The following DPF1 variants were observed in gnomAD, a reference collection of about 807,000 sequenced individuals.
The protein encoded by DPF1 is zinc finger protein neuro-d4.
A neutral mutation model predicts 58.7 loss-of-function variants in DPF1; 14 were observed. That is an observed-to-expected ratio of 0.24 (90% CI 0.16 to 0.37). The LOEUF is 0.37. DPF1 is among the 10% of genes least tolerant of loss of function. DPF1 has a pLI of 1.00. For synonymous variants in DPF1, 216 were observed against 216.0 expected, an observed-to-expected ratio of 1.00 and a Z score of 0.00; for missense variants, 345 against 529.9, an observed-to-expected ratio of 0.65 and a Z score of 3.43.
chr19:38,214,997 A>G (rs1600241725), intron 9 of DPF1, among the ~76,000 whole-genome samples: 2 of 145,570 alleles, frequency 1.4e-5, no homozygotes, highest in East Asian at 2.0e-4. Context: ...CACCACACCC[A>G]GCTAAATTTT....
intron 3 of DPF1, among the ~76,000 whole-genome samples, chr19:38,220,273 G>A (rs1967354920): frequency 6.8e-6 from 1 of 146,870 alleles, no homozygotes; most frequent in Non-Finnish European, 1.5e-5. Flanking sequence ...AGGAAGGAAG[G>A]AAAGAAAAGA....
chr19:38,213,887 C>T (rs564199284), intron 9 of DPF1, 131 bp from the exon 10 acceptor site: 82 of 712,106 alleles, frequency 1.2e-4, no homozygotes, highest in African/African-American at 1.1e-3. Context: ...GGATCCACAG[C>T]CTGACCCCAC....
intron 5 of DPF1, 39 bp downstream of exon 5, chr19:38,218,534 T>C (rs769938876): frequency 3.8e-6 from 6 of 1,596,260 alleles, no homozygotes; most frequent in South Asian, 1.1e-5. Context: ...AGACCTGTCA[T>C]TGAGGGGAGC....
Position 38,216,390 on chromosome 19 carries a change from T to A in DPF1, c.741A>T (p.Glu247Asp). The A allele has an allele frequency of 6.3e-7, 1 of 1,593,014 alleles. No individual in the cohort carries two copies. The highest frequency in any genetic ancestry group is 8.6e-7 in the Non-Finnish European group (1 of 1,168,990). ...TTTGTGCCTCAGGGACCCAGGCCAA[T>A]TCTTTGTAAAACTCTGGGGTAGGGG... ...RKNNHKQFYK[E>D]LAWVPEAQRK... The change falls in exon 8 of 12, where the codon GAA (glutamate) becomes GAT (aspartate). Residue 247 changes from glutamate to aspartate, a missense_variant. Coordinates refer to ENST00000355526, the MANE Select transcript of DPF1 (RefSeq NM_001135155.3).
chr19:38,213,705 G>T lies in DPF1; in HGVS notation c.950C>A (p.Thr317Asn), dbSNP rs200282023. The T allele has an allele frequency of 2.0e-5, 33 of 1,613,968 alleles. 1 individual carries two copies. In the Admixed American group the frequency reaches 3.7e-4, roughly 18 times the overall value. ...FTVNMTAAVR[T>N]YRWQCIECKS... ...GCACTCGATGCACTGCCAGCGGTAG[G>T]TCCGCACGGCTGCCGTCATGTTCAC... The change falls in exon 10 of 12, where the codon ACC (threonine) becomes AAC (asparagine). Residue 317 changes from threonine to asparagine, a missense_variant. Physicochemically the swap from Thr to Asn is moderately conservative, Grantham distance 65. Coordinates refer to ENST00000355526, the MANE Select transcript of DPF1 (RefSeq NM_001135155.3).
chr19:38,217,762 C>G (rs1360126567), intron 6 of DPF1, 36 bp downstream of exon 6: 1 of 1,613,026 alleles, frequency 6.2e-7, no homozygotes, highest in South Asian at 1.1e-5. Context: ...CTGGGCACCC[C>G]TCTCTCTGCC....
At chr19:38,224,786 G>C (rs1967745956), upstream of DPF1, among the ~76,000 whole-genome samples, 1 of 152,216 alleles carries the variant, frequency 6.6e-6, no homozygotes, top group Non-Finnish European at 1.5e-5. This position sits in a 1 kb window ranked among gnomAD's most constrained non-coding sequence, Gnocchi z 4.5. Context: ...GTTAGAAACA[G>C]TAGTCACACC....
Position 38,212,132 on chromosome 19 carries a change from C to T in DPF1, c.1095G>A (p.Gly365=), listed in dbSNP as rs1347691409. ...LSPPMAEPPE[G]SWSCHLCLRH... is the part of the protein sequence containing the mutation. ...GGAGACAGAGGTGACAGCTCCAGCTCCCTGCGGGGGCAGCCGAAGCTGAAG... is the reference window on the plus strand; with the variant it reads ...GGAGACAGAGGTGACAGCTCCAGCTTCCTGCGGGGGCAGCCGAAGCTGAAG... Residue 365 remains glycine (G), a splice_region_variant and synonymous_variant, in exon 12 of 12, where the codon GGG becomes GGA. Transcript: ENST00000355526. 3 of 1,609,200 alleles carry T rather than the reference C, an allele frequency of 1.9e-6. No individual in the cohort carries two copies. The highest frequency in any genetic ancestry group is 2.5e-6 in the Non-Finnish European group (3 of 1,178,982).
chr19:38,214,320 G>A (rs971267062), intron 9 of DPF1, among the ~76,000 whole-genome samples: 36 of 152,136 alleles, frequency 2.4e-4, no homozygotes, highest in Non-Finnish European at 5.9e-5. Context: ...CCACAGCCCC[G>A]CTGCAGAGAC....
rs201255893 is a variant in DPF1, at chr19:38,218,630, G to C, written c.459C>G (p.Leu153=). Residue 153 remains leucine, a synonymous_variant, in exon 5 of 12, where the codon CTC becomes CTG. Transcript: ENST00000355526. The stretch of plus-strand genomic sequence containing the variant: ...TGTCATCCTCCAAGTCTTCCACCTC[G>C]AGGTCATGCGGAAACTCCAGCAACT... ...KQQLLEFPHD[L]EVEDLEDDIP... is the part of the protein sequence containing the mutation. The C allele has an allele frequency of 6.2e-7, 1 of 1,614,092 alleles. No homozygotes were observed. Among genetic ancestry groups the C allele is most frequent in the Admixed American group, 1.7e-5 (1 of 60,000 alleles).
chr19:38,215,457 C>T (rs1467959245), intron 9 of DPF1, among the ~76,000 whole-genome samples: 11 of 152,144 alleles, frequency 7.2e-5, no homozygotes, highest in African/African-American at 2.4e-4. Flanking sequence ...CATGCCAATG[C>T]ACTCCAGCCT....
At chr19:38,228,359 G>A (rs933198065), upstream of DPF1, among the ~76,000 whole-genome samples, 1 of 151,876 alleles carries the variant, frequency 6.6e-6, no homozygotes, top group African/African-American at 2.4e-5. Context: ...CCTTCTCGTG[G>A]GTGGGGTAGG....
intron 3 of DPF1, chr19:38,219,326 C>A (rs942998488): frequency 8.2e-6 from 4 of 487,034 alleles, no homozygotes; most frequent in African/African-American, 3.9e-5. Context: ...ATCAGGCACA[C>A]CCAGACCTAC....
intron 1 of DPF1, 125 bp downstream of exon 1, chr19:38,223,989 C>G (rs60219976): frequency 7.9e-7 from 1 of 1,264,298 alleles, no homozygotes; most frequent in Non-Finnish European, 1.0e-6. Context: ...CGCACCCCCG[C>G]GCAGCCCCGC....
Position 38,216,421 on chromosome 19 carries a change from G to T in DPF1, c.728-18C>A. ...GTAAAACTCTGGGGTAGGGGGGACA[G>T]AGAGAGGGACTCTCACCACAGGCAA... On this transcript the variant is annotated intron_variant, in intron 7 of 11. Coordinates refer to ENST00000355526, the MANE Select transcript of DPF1 (RefSeq NM_001135155.3). 2 of 1,567,748 alleles carry T rather than the reference G, an allele frequency of 1.3e-6. No homozygotes were observed. The highest frequency in any genetic ancestry group is 1.7e-6 in the Non-Finnish European group (2 of 1,157,264).
chr19:38,222,021 G>T lies in DPF1; in HGVS notation c.298+336C>A, dbSNP rs974460488. Among the ~76,000 whole-genome samples, 1 of 152,142 alleles carries T rather than the reference G, an allele frequency of 6.6e-6. No homozygotes were observed. The highest frequency in any genetic ancestry group is 2.1e-4 in the South Asian group (1 of 4,824). ...TGAACCTGCTAGGCGGAAGTTGCGGGTTCAAGGTTCAACTCCCCGCTAGGT... is the reference window on the plus strand; with the variant it reads ...TGAACCTGCTAGGCGGAAGTTGCGGTTTCAAGGTTCAACTCCCCGCTAGGT... On this transcript the variant is annotated intron_variant, in intron 3 of 11. Transcript: ENST00000355526. The surrounding 1 kb of genome is among the most constrained non-coding windows in gnomAD (Gnocchi z 4.9).
At chr19:38,227,399 C>G (rs1273071569), upstream of DPF1, among the ~76,000 whole-genome samples, 1 of 152,044 alleles carries the variant, frequency 6.6e-6, no homozygotes, top group East Asian at 1.9e-4. Context: ...TATCTACCCA[C>G]AGACGCAGGC....
chr19:38,211,181 GAAC>G lies in DPF1; in HGVS notation c.*879_*881del, dbSNP rs1973380505. ...TCTCAGTTTCCCTTTTTTAAAACCC[GAAC>G]AACAAACACACACAACCACAAGAAA... On this transcript the variant is annotated 3_prime_UTR_variant, in exon 12 of 12. Transcript: ENST00000355526. This position sits in a 1 kb window ranked among gnomAD's most constrained non-coding sequence, Gnocchi z 4.0. 5 of 152,188 alleles carry G rather than the reference GAAC, an allele frequency of 3.3e-5. No individual in the cohort carries two copies. The highest frequency in any genetic ancestry group is 3.4e-3 in the Middle Eastern group (1 of 294). The allele number at this position is 152,188 out of a possible 1,614,324, so 9.4% of individuals were successfully genotyped here. A position where few individuals can be genotyped will look rare whatever the true frequency, so the allele number is the denominator to read the frequency against.
chr19:38,220,494 G>A (rs1220704198), intron 3 of DPF1, among the ~76,000 whole-genome samples: 9 of 151,576 alleles, frequency 5.9e-5, no homozygotes, highest in African/African-American at 1.2e-4. Flanking sequence ...AGTGGCAGGC[G>A]CCTGTAGTCC....
Sources: gnomAD v4.1 joint callset for allele counts (sites outside exome capture counted in the v4.1 genomes callset) on GRCh38, gnomAD v4.1.1 for gene constraint, Gnocchi (gnomAD v3.1) non-coding constraint, MANE v1.5 for transcripts, NCBI Gene and HGNC (gene_info 2026-07-23, HGNC 2026-07-21) for gene names.